AIFM1: variants seen among roughly 807,000 people sequenced by gnomAD.
AIFM1 encodes apoptosis inducing factor mitochondria associated 1.
In AIFM1, 3 loss-of-function variants were observed where a neutral mutation model predicts 51.7. The ratio of observed to expected loss-of-function variants is 0.06; its 90% CI spans 0.03 to 0.15. The LOEUF (loss-of-function observed/expected upper bound fraction) is 0.15. Ranked by LOEUF, AIFM1 falls within the 10% of genes least tolerant of loss-of-function variation. The pLI is 1.00. For missense variants in AIFM1, 330 were observed against 476.8 expected (o/e 0.69, Z 2.87); for synonymous variants, 178 against 179.4 (o/e 0.99, Z 0.06).
At chrX:130,146,347 G>C (rs1292943495) in intron 5 of AIFM1, among the ~76,000 whole-genome samples, 2 of 109,749 alleles carry the variant, frequency 1.8e-5, no homozygotes, top group African/African-American at 6.6e-5. Context: ...GGGAGGCTGA[G>C]GTGGGAGGAT....
chrX:130,137,249 A>C (rs778691828), intron 9 of AIFM1, 64 bp from the exon 10 acceptor site: 162 of 1,207,945 alleles, frequency 1.3e-4, no homozygotes, highest in Non-Finnish European at 1.8e-4. Context: ...ATACAGGAAG[A>C]GAAGTAAAGG....
chrX:130,159,863 C>T (rs901712559), intron 1 of AIFM1, among the ~76,000 whole-genome samples: 8 of 108,641 alleles, frequency 7.4e-5, no homozygotes, highest in Non-Finnish European at 9.5e-5. Flanking sequence ...ACTCTGTCCC[C>T]AAGCTGGAGT....
At chrX:130,138,885 C>T in intron 8 of AIFM1, among the ~76,000 whole-genome samples, 184 bp from the exon 9 acceptor site, 1 of 111,936 alleles carries the variant, frequency 8.9e-6, no homozygotes, top group Non-Finnish European at 1.9e-5. Context: ...CTTCTATAAA[C>T]AGTGGTTCTC....
At chrX:130,143,051 G>A (rs2030632905) in intron 6 of AIFM1, among the ~76,000 whole-genome samples, 1 of 111,689 alleles carries the variant, frequency 9.0e-6, no homozygotes, top group South Asian at 3.7e-4. Context: ...TCCTCATACT[G>A]CTCTTTAAGT....
At position 130,133,360 on chromosome X, in the gene AIFM1, T is replaced by C. The variant is rs1433507858; in HGVS notation, c.1401A>G (p.Glu467=). Reference sequence around the variant, plus strand: ...ACGGCTTAGCAGCTCCAGTCATATTTTCTCCAGCCAATCTTCCACTCACAA... The same window carrying C: ...ACGGCTTAGCAGCTCCAGTCATATTCTCTCCAGCCAATCTTCCACTCACAA... ...HAVVSGRLAG[E]NMTGAAKPYW... Residue 467 remains glutamate, a synonymous_variant, in exon 13 of 16, where the codon GAA becomes GAG. Transcript: ENST00000287295. 3.3e-6 allele frequency: 4 copies of C among 1,209,251 alleles called. No individual in the cohort carries two copies. The highest frequency in any genetic ancestry group is 4.5e-6 in the Non-Finnish European group (4 of 895,127).
rs369980402 is a variant in AIFM1, at chrX:130,130,409, C to T, written c.1574-243G>A. Among the ~76,000 whole-genome samples, 17 of 111,805 alleles carry T rather than the reference C, an allele frequency of 1.5e-4. No homozygotes were observed. In the South Asian group the frequency reaches 5.2e-3, roughly 34 times the overall value. On this transcript the variant is annotated intron_variant, in intron 14 of 15. Transcript: ENST00000287295. ...ACAGGGTCAGTCTGACCCTAAACTT[C>T]CCTCCCTTATTATCTCATTTTAAAT...
At position 130,145,584 on chromosome X, in the gene AIFM1, G is replaced by A. The variant is rs191297808; in HGVS notation, c.606-15C>T. The A allele has an allele frequency of 2.0e-3, 2,238 of 1,121,436 alleles. 1 individual carries two copies. Among genetic ancestry groups the A allele is most frequent in the Non-Finnish European group, 2.5e-3 (2,007 of 814,940 alleles). The allele number at this position is 1,121,436 out of a possible 1,213,427, so 92.4% of individuals were successfully genotyped here. ...GGAAATATATGCTGTATGGAGAAGA[G>A]AGGGAGAATATTATAAGCATGTGGA... On this transcript the variant is annotated splice_polypyrimidine_tract_variant and intron_variant, in intron 5 of 15. Coordinates refer to ENST00000287295, the MANE Select transcript of AIFM1 (RefSeq NM_004208.4).
At chrX:130,164,911 G>T (rs2031479038) in intron 1 of AIFM1, among the ~76,000 whole-genome samples, 1 of 110,837 alleles carries the variant, frequency 9.0e-6, no homozygotes, top group African/African-American at 3.3e-5. Context: ...AAAATTTGAT[G>T]AAACAACTTA....
intron 1 of AIFM1, among the ~76,000 whole-genome samples, chrX:130,164,486 C>T (rs770838191): frequency 3.6e-5 from 4 of 112,353 alleles, no homozygotes; most frequent in Non-Finnish European, 5.6e-5. Flanking sequence ...ATTGTAAAAG[C>T]CTCAAGGATA....
At chrX:130,156,414 T>C (rs772071513) in intron 2 of AIFM1, 47 bp downstream of exon 2, 2 of 1,202,679 alleles carry the variant, frequency 1.7e-6, no homozygotes, top group South Asian at 1.8e-5. Context: ...AGTCTATTAA[T>C]GGGAGCTGTT....
At chrX:130,148,296 G>T (rs1215442038) in intron 3 of AIFM1, among the ~76,000 whole-genome samples, 10 of 111,227 alleles carry the variant, frequency 9.0e-5, no homozygotes, top group African/African-American at 3.3e-4. Flanking sequence ...GTCAATTGGG[G>T]ATTATCATAC....
chrX:130,130,079 G>A lies in AIFM1; in HGVS notation c.1661C>T (p.Pro554Leu). ...TTTGCCGTAGTCCTCCCCCTGGACG[G>A]GAGCCTGTGGAACTGCCGGGGTGCT... ...PPSTPAVPQA[P>L]VQGEDYGKGV... Residue 554 changes from proline to leucine, a missense_variant, in exon 15 of 16, where the codon CCC becomes CTC. Pro to Leu is a moderately conservative substitution (Grantham distance 98, BLOSUM62 -3). This residue lies in a region of AIFM1 where 56 missense variants were observed against 48.8 expected (regional missense o/e 1.15). Coordinates refer to ENST00000287295, the MANE Select transcript of AIFM1 (RefSeq NM_004208.4). 8.3e-7 allele frequency: 1 copy of A among 1,211,873 alleles called. No individual in the cohort carries two copies. The highest frequency in any genetic ancestry group is 1.1e-6 in the Non-Finnish European group (1 of 895,507).
chrX:130,149,686 T>C lies in AIFM1; in HGVS notation c.250-118A>G, dbSNP rs150442514. The C allele has an allele frequency of 0.026, 14,239 of 549,957 alleles. 194 individuals carry two copies. Among genetic ancestry groups the C allele is most frequent in the Non-Finnish European group, 0.033 (10,858 of 325,333 alleles). 45.3% of individuals were successfully genotyped at this position (549,957 alleles called of 1,213,427 possible). On this transcript the variant is annotated intron_variant, in intron 2 of 15. Transcript: ENST00000287295. The stretch of plus-strand genomic sequence containing the variant: ...TCTATCTGATGTTAGTTCCTCTATG[T>C]CAAAACCACTAAGACAAAGTTGTTT...
At position 130,147,884 on chromosome X, in the gene AIFM1, C is replaced by T; in HGVS notation, c.350-8G>A. ...CTTCCTCTCCTTCTGAAGCTGAAAG[C>T]AACAGAACAGACTGGATGAATCTTC... On this transcript the variant is annotated splice_polypyrimidine_tract_variant and splice_region_variant and intron_variant, in intron 3 of 15. Coordinates refer to ENST00000287295, the MANE Select transcript of AIFM1 (RefSeq NM_004208.4). The T allele has an allele frequency of 1.7e-6, 2 of 1,211,366 alleles. No homozygotes were observed. The highest frequency in any genetic ancestry group is 2.2e-6 in the Non-Finnish European group (2 of 895,350).
chrX:130,147,108 GC>G (rs1324660022), intron 5 of AIFM1, among the ~76,000 whole-genome samples: 1 of 111,798 alleles, frequency 8.9e-6, no homozygotes, highest in Non-Finnish European at 1.9e-5. Flanking sequence ...GTTGCAGTGA[GC>G]TGAGATTGCG....
intron 1 of AIFM1, among the ~76,000 whole-genome samples, chrX:130,163,178 T>TGCA (rs2031407084): frequency 9.1e-6 from 1 of 109,411 alleles, no homozygotes; most frequent in Non-Finnish European, 1.9e-5. Flanking sequence ...GGCGTGGTGG[T>TGCA]GCATGCCTGT....
At chrX:130,158,251 C>T (rs1359314047) in intron 1 of AIFM1, among the ~76,000 whole-genome samples, 2 of 108,731 alleles carry the variant, frequency 1.8e-5, no homozygotes, top group East Asian at 2.8e-4. Context: ...GCAACGAGAG[C>T]GAAACTCCAT....
chrX:130,131,057 A>C (rs778131301), intron 14 of AIFM1, among the ~76,000 whole-genome samples: 4 of 112,541 alleles, frequency 3.6e-5, no homozygotes, highest in Non-Finnish European at 7.5e-5. Context: ...GCAGAAGTTA[A>C]ATAACTTGAG....
intron 1 of AIFM1, among the ~76,000 whole-genome samples, chrX:130,157,038 G>A (rs1014749548): frequency 2.7e-5 from 3 of 111,275 alleles, no homozygotes; most frequent in East Asian, 5.6e-4. Flanking sequence ...AAAATAAAAC[G>A]CAACACTCTA....
Sources: allele counts gnomAD v4.1 joint callset (sites outside exome capture counted in the v4.1 genomes callset), GRCh38; gene constraint gnomAD v4.1.1; regional missense constraint gnomAD v4.1.1; transcripts MANE v1.5; gene names NCBI Gene and HGNC (gene_info 2026-07-23, HGNC 2026-07-21).